The following HSD17B12 variants were observed in gnomAD, a reference collection of about 807,000 sequenced individuals.
HSD17B12 encodes hydroxysteroid 17-beta dehydrogenase 12.
In HSD17B12, 32 loss-of-function variants were observed where a neutral mutation model predicts 39.3. That is an observed-to-expected ratio of 0.81 (90% CI 0.61 to 1.09). The LOEUF (loss-of-function observed/expected upper bound fraction) is 1.09. Among genes scored for constraint, HSD17B12 ranks in the 50% least tolerant of loss-of-function variants. The pLI is 0.00. For missense variants in HSD17B12, 342 were observed against 382.9 expected (o/e 0.89, Z 0.89); for synonymous variants, 150 against 146.7 (o/e 1.02, Z -0.16).
At chr11:43,775,058 C>T (rs754236390) in intron 3 of HSD17B12, among the ~76,000 whole-genome samples, 2 of 152,146 alleles carry the variant, frequency 1.3e-5, no homozygotes, top group Non-Finnish European at 2.9e-5. Context: ...GAGAAATCCT[C>T]ATATTTTGAC....
chr11:43,604,632 G>A, the HSD17B12 span, among the ~76,000 whole-genome samples: 1 of 152,156 alleles, frequency 6.6e-6, no homozygotes, highest in African/African-American at 2.4e-5. Flanking sequence ...CTGGCATCAA[G>A]TACAGGATTC....
At chr11:43,633,797 G>A in the HSD17B12 span, among the ~76,000 whole-genome samples, 2 of 151,638 alleles carry the variant, frequency 1.3e-5, no homozygotes, top group East Asian at 2.0e-4. Context: ...AAATGTGGCT[G>A]GGCACGGTGG....
chr11:43,818,306 T>G (rs1365326314), intron 6 of HSD17B12, among the ~76,000 whole-genome samples: 1 of 152,176 alleles, frequency 6.6e-6, no homozygotes, highest in Non-Finnish European at 1.5e-5. Context: ...CTAGTCTGGT[T>G]GCTAGTTGCT....
At chr11:43,693,505 G>A (rs1949882126) in intron 1 of HSD17B12, among the ~76,000 whole-genome samples, 1 of 152,088 alleles carries the variant, frequency 6.6e-6, no homozygotes, top group African/African-American at 2.4e-5. Flanking sequence ...AGACCAGGAG[G>A]CACTTGTTCA....
chr11:43,673,428 A>G, the HSD17B12 span: 1 of 151,874 alleles, frequency 6.6e-6, no homozygotes, highest in African/African-American at 2.4e-5. Context: ...TAATAACAAA[A>G]TATTTCTAGA....
chr11:43,671,915 T>C, the HSD17B12 span, among the ~76,000 whole-genome samples: 1 of 152,264 alleles, frequency 6.6e-6, no homozygotes, highest in Non-Finnish European at 1.5e-5. Context: ...GTTAAAACTA[T>C]ATTTTCTAAT....
chr11:43,653,035 G>C, the HSD17B12 span, among the ~76,000 whole-genome samples: 1 of 151,814 alleles, frequency 6.6e-6, no homozygotes, highest in Non-Finnish European at 1.5e-5. Context: ...AGGGTCTTAT[G>C]ACCTACAATC....
At chr11:43,764,763 A>G (rs7928134) in intron 3 of HSD17B12, among the ~76,000 whole-genome samples, 99,705 of 151,928 alleles carry the variant, frequency 0.66, 33,052 homozygotes, top group East Asian at 0.75. Context: ...TAGTGTTAGC[A>G]TGGCATTTCT....
rs11037582 is a variant in HSD17B12, at chr11:43,726,734, T to C, written c.161-24177T>C. 1.6e-3 allele frequency among the ~76,000 whole-genome samples: 247 copies of C among 152,366 alleles called. 2 individuals carry two copies. The East Asian group carries it at 0.036, about 22-fold the overall frequency. On this transcript the variant is annotated intron_variant, in intron 1 of 10. Transcript: ENST00000278353. ...TTAGGTTGTGTCTAAATAGTTCTTA[T>C]AGAACAAATATTATGATATGTGCTG...
chr11:43,779,898 A>C lies in HSD17B12; in HGVS notation c.284-18422A>C, dbSNP rs181672982. 2.1e-3 allele frequency among the ~76,000 whole-genome samples: 326 copies of C among 152,304 alleles called. 1 individual carries two copies. Among genetic ancestry groups the C allele is most frequent in the South Asian group, 3.7e-3 (18 of 4,828 alleles). On this transcript the variant is annotated intron_variant, in intron 3 of 10. Transcript: ENST00000278353. ...ACTACTGTTTATCATCCTGGTATCTAGTACCTACTGATAAAGAAAACTTGG... is the reference window on the plus strand; with the variant it reads ...ACTACTGTTTATCATCCTGGTATCTCGTACCTACTGATAAAGAAAACTTGG...
chr11:43,662,799 A>G, the HSD17B12 span, among the ~76,000 whole-genome samples: 2 of 152,150 alleles, frequency 1.3e-5, no homozygotes, highest in Non-Finnish European at 2.9e-5. Flanking sequence ...GACTATTCCT[A>G]CCTTGGGGGT....
intron 9 of HSD17B12, 106 bp from the exon 10 acceptor site, chr11:43,854,609 T>C: frequency 8.1e-7 from 1 of 1,228,744 alleles, no homozygotes; most frequent in Non-Finnish European, 1.2e-6. Context: ...TCTGTAAAGA[T>C]ACAGATGTTT....
intron 4 of HSD17B12, among the ~76,000 whole-genome samples, chr11:43,811,566 G>A (rs974371906): frequency 6.6e-6 from 1 of 151,944 alleles, no homozygotes; most frequent in Non-Finnish European, 1.5e-5. Context: ...TCTCAGTGTT[G>A]AACAGGTTTT....
intron 1 of HSD17B12, among the ~76,000 whole-genome samples, chr11:43,693,180 G>C (rs1275646988): frequency 6.6e-6 from 1 of 152,236 alleles, no homozygotes; most frequent in African/African-American, 2.4e-5. Context: ...GGGCAGAAGT[G>C]GTGGATGCAT....
At chr11:43,660,064 T>C in the HSD17B12 span, among the ~76,000 whole-genome samples, 3 of 152,186 alleles carry the variant, frequency 2.0e-5, no homozygotes, top group Non-Finnish European at 4.4e-5. Context: ...TGTCCTTCAA[T>C]GTTCTCTGAT....
At chr11:43,612,771 A>C in the HSD17B12 span, among the ~76,000 whole-genome samples, 3 of 152,224 alleles carry the variant, frequency 2.0e-5, no homozygotes, top group Non-Finnish European at 4.4e-5. Context: ...AAAATGGCTA[A>C]AGTGAAAGAG....
chr11:43,810,367 T>TTATATATATATATATATATA lies in HSD17B12; in HGVS notation c.392-5053_392-5034dup, dbSNP rs59970877. ...ATTTTAAAGCAGTATAATTTAGAAA[T>TTATATATATATATATATATA]TATATATATATATATATATATATAT... On this transcript the variant is annotated intron_variant, in intron 4 of 10. Transcript: ENST00000278353. Among the ~76,000 whole-genome samples, 226 of 59,286 alleles carry TTATATATATATATATATATA rather than the reference T, an allele frequency of 3.8e-3. 4 individuals are homozygous for TTATATATATATATATATATA. Among genetic ancestry groups the TTATATATATATATATATATA allele is most frequent in the African/African-American group, 0.012 (175 of 15,034 alleles). 38.9% of individuals were successfully genotyped at this position (59,286 alleles called of 152,430 possible).
rs144081151 is a variant in HSD17B12, at chr11:43,752,158, C to T, written c.207+1201C>T. Among the ~76,000 whole-genome samples the T allele has an allele frequency of 8.5e-3, 1,291 of 152,180 alleles. 10 individuals carry two copies. Among genetic ancestry groups the T allele is most frequent in the Middle Eastern group, 0.02 (6 of 294 alleles). On this transcript the variant is annotated intron_variant, in intron 2 of 10. Coordinates refer to ENST00000278353, the MANE Select transcript of HSD17B12 (RefSeq NM_016142.3). ...TTTGCAGACAAACTTGGATTTGTCC[C>T]ATTGTTTTCTCATTAGATTCAGGAA...
chr11:43,837,155 G>A (rs991689716), intron 7 of HSD17B12, among the ~76,000 whole-genome samples: 7 of 152,094 alleles, frequency 4.6e-5, no homozygotes, highest in East Asian at 1.9e-4. Flanking sequence ...CAGATGGAGC[G>A]GGTGACTTTT....
Sources: allele counts gnomAD v4.1 joint callset (sites outside exome capture counted in the v4.1 genomes callset), GRCh38; gene constraint gnomAD v4.1.1; transcripts MANE v1.5; gene names NCBI Gene and HGNC (gene_info 2026-07-23, HGNC 2026-07-21).